The following DNAI1 variants were observed in gnomAD, a reference collection of about 807,000 sequenced individuals.
DNAI1 encodes dynein axonemal intermediate chain 1.
A neutral mutation model predicts 92.0 loss-of-function variants in DNAI1; 67 were observed. The ratio of observed to expected loss-of-function variants is 0.73; its 90% confidence interval spans 0.60 to 0.89. The LOEUF (loss-of-function observed/expected upper bound fraction) is 0.89. DNAI1 is among the 40% of genes least tolerant of loss of function. DNAI1 has a pLI of 0.00. For missense variants in DNAI1, 839 were observed against 866.6 expected (o/e 0.97, Z 0.40); for synonymous variants, 323 against 319.6 (o/e 1.01, Z -0.11).
chr9:34,520,271 G>C (rs1442997678), intron 19 of DNAI1, among the ~76,000 whole-genome samples: 3 of 152,094 alleles, frequency 2.0e-5, no homozygotes, highest in Admixed American at 6.5e-5. Flanking sequence ...GATAGGTCTC[G>C]GCCAGGGACC....
intron 1 of DNAI1, among the ~76,000 whole-genome samples, chr9:34,471,198 G>A (rs908686089): frequency 1.3e-5 from 2 of 151,946 alleles, no homozygotes; most frequent in East Asian, 1.9e-4. Flanking sequence ...AGGCTGAGGT[G>A]GATGGATCAC....
At chr9:34,475,416 G>C (rs1470707698) in intron 1 of DNAI1, among the ~76,000 whole-genome samples, 1 of 152,180 alleles carries the variant, frequency 6.6e-6, no homozygotes, top group Non-Finnish European at 1.5e-5. Flanking sequence ...CTTGAGCAGA[G>C]ATGTGAGCTG....
At chr9:34,480,272 C>A (rs113120937) in intron 1 of DNAI1, among the ~76,000 whole-genome samples, 1 of 99,436 alleles carries the variant, frequency 1.0e-5, no homozygotes, top group Non-Finnish European at 2.0e-5. Context: ...TTTGGTGGAA[C>A]TTTTTTTTTT....
At chr9:34,489,519 T>A (rs1824539035) in intron 5 of DNAI1, 70 bp downstream of exon 5, 1 of 1,580,256 alleles carries the variant, frequency 6.3e-7, no homozygotes, top group Admixed American at 1.7e-5. Context: ...CTCTAGGGAG[T>A]ATACCTCTAA....
chr9:34,512,270 C>T, intron 14 of DNAI1, 67 bp from the exon 15 acceptor site: 1 of 1,610,192 alleles, frequency 6.2e-7, no homozygotes, highest in Non-Finnish European at 8.5e-7. Context: ...AAGGGCAACC[C>T]CCAGCCTTGC....
At chr9:34,520,546 G>A in intron 19 of DNAI1, 112 bp from the exon 20 acceptor site, 1 of 942,890 alleles carries the variant, frequency 1.1e-6, no homozygotes, top group East Asian at 2.6e-5. Context: ...GAATTTACTG[G>A]GCAGGGGAGG....
chr9:34,482,277 C>T (rs560038216), intron 1 of DNAI1, among the ~76,000 whole-genome samples: 1 of 148,356 alleles, frequency 6.7e-6, no homozygotes, highest in African/African-American at 2.5e-5. Context: ...AAGTCCTCAC[C>T]AGAGCAGCTA....
intron 4 of DNAI1, 67 bp downstream of exon 4, chr9:34,485,584 A>G (rs1234214957): frequency 3.4e-6 from 5 of 1,460,090 alleles, no homozygotes; most frequent in African/African-American, 2.8e-5. Context: ...GACTTGCTAC[A>G]TTGCAAAAGC....
At chr9:34,474,567 CTTT>C (rs55701117) in intron 1 of DNAI1, among the ~76,000 whole-genome samples, 2 of 107,852 alleles carry the variant, frequency 1.9e-5, no homozygotes, top group Admixed American at 1.1e-4. Context: ...TTTTTTTTTC[CTTT>C]TTTTTTTTTT....
chr9:34,511,695 C>G (rs1825067842), intron 13 of DNAI1, among the ~76,000 whole-genome samples: 1 of 152,176 alleles, frequency 6.6e-6, no homozygotes, highest in South Asian at 2.1e-4. Context: ...TATTATGACT[C>G]CTGTTTTATA....
intron 5 of DNAI1, among the ~76,000 whole-genome samples, chr9:34,489,782 G>A (rs1045699582): frequency 6.6e-6 from 1 of 152,162 alleles, no homozygotes; most frequent in Non-Finnish European, 1.5e-5. Flanking sequence ...CTGGGAGGCA[G>A]AGGTTGCAGT....
At chr9:34,505,430 G>A (rs909145143) in intron 12 of DNAI1, among the ~76,000 whole-genome samples, 1 of 152,148 alleles carries the variant, frequency 6.6e-6, no homozygotes, top group Non-Finnish European at 1.5e-5. Flanking sequence ...GATAATCCAG[G>A]ATAATCTCCT....
At chr9:34,475,779 C>G (rs1333073128) in intron 1 of DNAI1, among the ~76,000 whole-genome samples, 1 of 152,174 alleles carries the variant, frequency 6.6e-6, no homozygotes, top group Non-Finnish European at 1.5e-5. Context: ...CTATGGTTGA[C>G]TTCAAAGCCC....
intron 1 of DNAI1, among the ~76,000 whole-genome samples, chr9:34,476,493 A>G (rs545721204): frequency 2.6e-5 from 4 of 152,302 alleles, no homozygotes; most frequent in African/African-American, 7.2e-5. Flanking sequence ...GGCTGGGCCA[A>G]GTTAGGAGGG....
intron 1 of DNAI1, among the ~76,000 whole-genome samples, chr9:34,477,052 T>G (rs570376800): frequency 1.3e-3 from 192 of 152,176 alleles, no homozygotes; most frequent in African/African-American, 4.4e-3. Context: ...GTCTCGCTAT[T>G]TTGCCCAGAT....
chr9:34,499,911 T>G (rs543695367), intron 10 of DNAI1, among the ~76,000 whole-genome samples: 4 of 152,264 alleles, frequency 2.6e-5, no homozygotes, highest in Non-Finnish European at 4.4e-5. Context: ...GTGCCTTGTT[T>G]GTACTCACAC....
At chr9:34,483,600 C>A in intron 2 of DNAI1, 120 bp downstream of exon 2, 1 of 937,370 alleles carries the variant, frequency 1.1e-6, no homozygotes, top group Non-Finnish European at 1.6e-6. Context: ...GTTAAAATCA[C>A]CCTTAAACCT....
chr9:34,498,003 A>G (rs1205188035), intron 10 of DNAI1, among the ~76,000 whole-genome samples: 1 of 152,216 alleles, frequency 6.6e-6, no homozygotes, highest in Non-Finnish European at 1.5e-5. Context: ...CTCTGCAGAC[A>G]GTTCAGAGAA....
At chr9:34,515,416 C>G (rs908686982) in intron 18 of DNAI1, among the ~76,000 whole-genome samples, 1 of 152,160 alleles carries the variant, frequency 6.6e-6, no homozygotes, top group African/African-American at 2.4e-5. Context: ...ACCCTGGTGG[C>G]TTAGATACCT....
Sources: gnomAD v4.1 joint callset for allele counts (sites outside exome capture counted in the v4.1 genomes callset) on GRCh38, gnomAD v4.1.1 for gene constraint, MANE v1.5 for transcripts, NCBI Gene and HGNC (gene_info 2026-07-23, HGNC 2026-07-21) for gene names.